The following CRY1 variants were observed in gnomAD, a reference collection of about 807,000 sequenced individuals.
The protein encoded by CRY1 is cryptochrome circadian regulator 1, also known as cryptochrome-1.
A neutral mutation model predicts 76.0 loss-of-function variants in CRY1; 45 were observed. That is an observed-to-expected ratio of 0.59 (90% confidence interval 0.47 to 0.76). The LOEUF is 0.76. Ranked by LOEUF, CRY1 falls within the 30% of genes least tolerant of loss-of-function variation. The pLI is 0.00. For missense variants in CRY1, 587 were observed against 716.4 expected, an observed-to-expected ratio of 0.82 and a Z score of 2.06; for synonymous variants, 248 against 244.0, an observed-to-expected ratio of 1.02 and a Z score of -0.15.
rs1952243927 is a variant in CRY1, at chr12:106,997,330, A to G, written c.1549T>C (p.Ser517Pro). 1.2e-6 allele frequency: 2 copies of G among 1,614,058 alleles called. No homozygotes were observed. Among genetic ancestry groups the G allele is most frequent in the Non-Finnish European group, 1.7e-6 (2 of 1,179,946 alleles). The change falls in exon 10 of 13, where the codon TCT (serine) becomes CCT (proline). Residue 517 changes from serine (S) to proline (P), a missense_variant. Physicochemically the swap from Ser to Pro is moderately conservative, Grantham distance 74. Transcript: ENST00000008527. ...CTACAACCTGGGATATTTTCTGCAG[A>G]ATATCCCATGAAGCCTCCATTCCCA... ...PNGNGGFMGY[S>P]AENIPGCSSS...
rs566488930 is a variant in CRY1, at chr12:107,069,785, C to T, written c.158+23019G>A. On this transcript the variant is annotated intron_variant, in intron 1 of 12. Coordinates refer to ENST00000008527, the MANE Select transcript of CRY1 (RefSeq NM_004075.5). ...ATATACATATATATACTTTAAACTT[C>T]GACAAATAAAACTGAAAAGACAGCA... Among the ~76,000 whole-genome samples, 692 of 145,618 alleles carry T rather than the reference C, an allele frequency of 4.8e-3. 6 individuals are homozygous for T. The highest frequency in any genetic ancestry group is 0.016 in the African/African-American group (653 of 39,662).
chr12:107,037,132 C>A (rs1290887238), intron 1 of CRY1, among the ~76,000 whole-genome samples: 1 of 151,756 alleles, frequency 6.6e-6, no homozygotes, highest in East Asian at 1.9e-4. Flanking sequence ...GGGTAAATGA[C>A]CTATACAGAT....
chr12:107,047,064 T>A (rs1254736071), intron 1 of CRY1, among the ~76,000 whole-genome samples: 1 of 152,224 alleles, frequency 6.6e-6, no homozygotes, highest in Non-Finnish European at 1.5e-5. Flanking sequence ...TCCACAGTTG[T>A]AGAATACACA....
At chr12:107,021,675 C>T (rs1952559859) in intron 2 of CRY1, among the ~76,000 whole-genome samples, 1 of 151,858 alleles carries the variant, frequency 6.6e-6, no homozygotes, top group Non-Finnish European at 1.5e-5. Flanking sequence ...CAGACACAAA[C>T]ACATGGATGT....
At position 107,080,649 on chromosome 12, in the gene CRY1, T is replaced by TAAA. The variant is rs556057310; in HGVS notation, c.158+12152_158+12154dup. Among the ~76,000 whole-genome samples the TAAA allele has an allele frequency of 6.8e-3, 1,026 of 150,048 alleles. 17 individuals are homozygous for TAAA. Among genetic ancestry groups the TAAA allele is most frequent in the African/African-American group, 0.024 (984 of 40,844 alleles). On this transcript the variant is annotated intron_variant, in intron 1 of 12. Transcript: ENST00000008527. ...TGTGGTCAAATGTGTCAAACATTGT[T>TAAA]AAAAAAAAATAAAAAAGAAAAAAAG...
chr12:107,092,290 C>A lies in CRY1; in HGVS notation c.158+514G>T, dbSNP rs114142389. ...ACAAGGAGGAGTTGAGAAAAAGAACCGAGCAGAGAAACCAGATAATGCTGT... is the reference window on the plus strand; with the variant it reads ...ACAAGGAGGAGTTGAGAAAAAGAACAGAGCAGAGAAACCAGATAATGCTGT... On this transcript the variant is annotated intron_variant, in intron 1 of 12. Coordinates refer to ENST00000008527, the MANE Select transcript of CRY1 (RefSeq NM_004075.5). 6.9e-3 allele frequency among the ~76,000 whole-genome samples: 1,046 copies of A among 152,230 alleles called. 18 individuals are homozygous for A. The highest frequency in any genetic ancestry group is 0.024 in the African/African-American group (1,004 of 41,538).
intron 1 of CRY1, among the ~76,000 whole-genome samples, chr12:107,057,969 C>T (rs546909416): frequency 5.3e-5 from 8 of 151,438 alleles, no homozygotes; most frequent in Non-Finnish European, 1.2e-4. Flanking sequence ...GAGGCTGAGG[C>T]CACTTGAGCC....
intron 2 of CRY1, among the ~76,000 whole-genome samples, chr12:107,007,373 G>A (rs1593498201): frequency 1.3e-5 from 2 of 152,122 alleles, no homozygotes; most frequent in Admixed American, 6.5e-5. Flanking sequence ...TGCCTAGCAC[G>A]TAATAAACCC....
chr12:107,034,726 G>T (rs548048143), intron 1 of CRY1, among the ~76,000 whole-genome samples: 1 of 152,156 alleles, frequency 6.6e-6, no homozygotes, highest in South Asian at 2.1e-4. Flanking sequence ...GGAAGAGGAA[G>T]AAATAAAAGG....
At chr12:107,019,444 A>T (rs564511103) in intron 2 of CRY1, among the ~76,000 whole-genome samples, 1 of 152,202 alleles carries the variant, frequency 6.6e-6, no homozygotes, top group South Asian at 2.1e-4. Flanking sequence ...ATGTATTTGT[A>T]TATTAGGGCC....
At chr12:107,005,755 C>T (rs552389099) in intron 2 of CRY1, among the ~76,000 whole-genome samples, 18 of 151,342 alleles carry the variant, frequency 1.2e-4, no homozygotes, top group East Asian at 3.9e-4. Flanking sequence ...TGGCTGAGGT[C>T]GTGTGTGTGT....
At chr12:107,059,945 A>G (rs982302533) in intron 1 of CRY1, among the ~76,000 whole-genome samples, 5 of 152,196 alleles carry the variant, frequency 3.3e-5, no homozygotes, top group African/African-American at 1.2e-4. Flanking sequence ...TTTTTAATAA[A>G]TATGTGTGAT....
chr12:107,083,460 C>G (rs752901682), intron 1 of CRY1, among the ~76,000 whole-genome samples: 1 of 152,068 alleles, frequency 6.6e-6, no homozygotes, highest in Non-Finnish European at 1.5e-5. Flanking sequence ...ACTGGCAAAC[C>G]GAATCTAGCA....
rs935348279 is a variant in CRY1 at position 107,001,425 on chromosome 12, C to T, written c.596-57G>A. 2.1e-6 allele frequency: 3 copies of T among 1,404,112 alleles called. No homozygotes were observed. The African/African-American group carries it at 4.4e-5, about 20-fold the overall frequency. The allele number at this position is 1,404,112 out of a possible 1,614,324, so 87.0% of individuals were successfully genotyped here. ...TTCCGAAACTAATTTTTATTTAACCCCAATAACTGGGAGAACAAATTACTT... is the reference window on the plus strand; with the variant it reads ...TTCCGAAACTAATTTTTATTTAACCTCAATAACTGGGAGAACAAATTACTT... On this transcript the variant is annotated intron_variant, in intron 4 of 12. Coordinates refer to ENST00000008527, the MANE Select transcript of CRY1 (RefSeq NM_004075.5).
At chr12:107,071,170 C>G (rs1011771001) in intron 1 of CRY1, among the ~76,000 whole-genome samples, 2 of 152,132 alleles carry the variant, frequency 1.3e-5, no homozygotes, top group Non-Finnish European at 2.9e-5. Context: ...ATAGTGATGA[C>G]AGCCAGCATT....
chr12:107,046,699 T>C (rs1019237516), intron 1 of CRY1, among the ~76,000 whole-genome samples: 1 of 152,128 alleles, frequency 6.6e-6, no homozygotes, highest in African/African-American at 2.4e-5. Flanking sequence ...AATAAAGATA[T>C]TCCACACAAA....
At chr12:106,998,150 C>G in intron 7 of CRY1, 84 bp from the exon 8 acceptor site, 1 of 1,477,184 alleles carries the variant, frequency 6.8e-7, no homozygotes, top group Non-Finnish European at 9.3e-7. Flanking sequence ...GAGCCAAAGT[C>G]AAGGCAAAGA....
At chr12:107,032,897 AAAG>A (rs1317552366) in intron 1 of CRY1, among the ~76,000 whole-genome samples, 1 of 152,224 alleles carries the variant, frequency 6.6e-6, no homozygotes, top group African/African-American at 2.4e-5. Context: ...TAAAAACTAA[AAAG>A]AAGAAAATGA....
At position 106,997,919 on chromosome 12, in the gene CRY1, T is replaced by C. The variant is rs1361980808; in HGVS notation, c.1285A>G (p.Ile429Val). The C allele has an allele frequency of 6.2e-7, 1 of 1,613,708 alleles. No individual in the cohort carries two copies. The highest frequency in any genetic ancestry group is 8.5e-7 in the Non-Finnish European group (1 of 1,179,886). Reference protein sequence around the residue: ...GRRTDPNGDYIRRYLPVLRGF... With the variant: ...GRRTDPNGDYVRRYLPVLRGF... ...TAGTAATCACCCTTGATTTACCTGA[T>C]ATAGTCTCCATTGGGATCTGTTCTC... The change falls in exon 8 of 13, where the codon ATC becomes GTC. Residue 429 changes from isoleucine to valine, a missense_variant. Coordinates refer to ENST00000008527, the MANE Select transcript of CRY1 (RefSeq NM_004075.5).
Sources: allele counts gnomAD v4.1 joint callset (sites outside exome capture counted in the v4.1 genomes callset), GRCh38; gene constraint gnomAD v4.1.1; transcripts MANE v1.5; gene names NCBI Gene and HGNC (gene_info 2026-07-23, HGNC 2026-07-21).